Variants in KCNT1 observed in about 807,000 individuals in gnomAD.
The protein encoded by KCNT1 is potassium sodium-activated channel subfamily T member 1.
Under a neutral mutation model 147.8 loss-of-function variants are expected in KCNT1, and 78 were observed. The observed-to-expected ratio is 0.53, with a 90% CI of 0.44 to 0.64. KCNT1 has a LOEUF of 0.64. KCNT1 is among the 30% of genes least tolerant of loss of function. The probability of loss-of-function intolerance (pLI) is 0.00; values close to 1 mark genes in which losing one functional copy is unlikely to be tolerated. For synonymous variants in KCNT1, 867 were observed against 748.8 expected (o/e 1.16, Z -2.58); for missense variants, 1,419 against 1,750.3 (o/e 0.81, Z 3.38).
intron 2 of KCNT1, among the ~76,000 whole-genome samples, chr9:135,735,532 A>C (rs568698792): frequency 2.6e-5 from 4 of 151,636 alleles, no homozygotes; most frequent in Admixed American, 2.0e-4. Flanking sequence ...CGTCCAGCCA[A>C]GGGTGGGGGG....
At chr9:135,729,134 C>T (rs541432047) in intron 2 of KCNT1, among the ~76,000 whole-genome samples, 5 of 152,298 alleles carry the variant, frequency 3.3e-5, no homozygotes, top group South Asian at 2.1e-4. Flanking sequence ...TAATTAAGTT[C>T]GCTGAGCAGT....
intron 29 of KCNT1, chr9:135,788,237 C>T (rs1386419886): frequency 7.9e-6 from 10 of 1,260,034 alleles, no homozygotes; most frequent in South Asian, 2.4e-5. Flanking sequence ...AGCCTTGCTG[C>T]GCCATCCCGG....
intron 28 of KCNT1, 144 bp from the exon 29 acceptor site, chr9:135,786,053 G>T: frequency 1.5e-6 from 1 of 683,344 alleles, no homozygotes. Flanking sequence ...GTCTGTCGTC[G>T]TCCTCTTCCC....
rs140628824 is a variant in KCNT1 at position 135,792,059 on chromosome 9, C to G, written c.3606C>G (p.Asp1202Glu). ...PSDIVYLIRS[D>E]PLAHVASSSQ... ...CCCGCAGCTATCTCATCCGCTCCGACCCCCTGGCTCACGTGGCCAGCAGCT... is the reference window on the plus strand; with the variant it reads ...CCCGCAGCTATCTCATCCGCTCCGAGCCCCTGGCTCACGTGGCCAGCAGCT... Residue 1202 changes from aspartate to glutamate, a missense_variant, in exon 31 of 31, where the codon GAC becomes GAG. Coordinates refer to ENST00000371757, the MANE Select transcript of KCNT1 (RefSeq NM_020822.3). 6.2e-7 allele frequency: 1 copy of G among 1,604,306 alleles called. No individual in the cohort carries two copies. Among genetic ancestry groups the G allele is most frequent in the South Asian group, 1.1e-5 (1 of 91,034 alleles).
At chr9:135,734,827 T>C (rs1830269919) in intron 2 of KCNT1, among the ~76,000 whole-genome samples, 1 of 151,626 alleles carries the variant, frequency 6.6e-6, no homozygotes, top group African/African-American at 2.4e-5. Context: ...CCTCCCAGCT[T>C]CCTCCCCGCC....
chr9:135,765,041 T>C lies in KCNT1; in HGVS notation c.1046T>C (p.Leu349Pro). The C allele has an allele frequency of 6.2e-7, 1 of 1,606,716 alleles. No homozygotes were observed. Among genetic ancestry groups the C allele is most frequent in the African/African-American group, 1.3e-5 (1 of 74,894 alleles). Residue 349 changes from leucine (L) to proline (P), a missense_variant, in exon 12 of 31, where the codon CTC becomes CCC. This residue lies in a region of KCNT1 where 401 missense variants were observed against 610.6 expected (regional missense o/e 0.66). Transcript: ENST00000371757. Reference protein sequence around the residue: ...LVVLPLQFEELVYLWMERQKS... With the variant: ...LVVLPLQFEEPVYLWMERQKS... The stretch of plus-strand genomic sequence containing the variant: ...GTTTCTCACCTGCAGTTCGAGGAGC[T>C]CGTCTACCTCTGGATGGAGCGGCAG...
intron 1 of KCNT1, among the ~76,000 whole-genome samples, chr9:135,706,240 C>T (rs992354741): frequency 8.5e-5 from 13 of 152,334 alleles, no homozygotes; most frequent in East Asian, 1.9e-4. Context: ...GTGTTGGCGT[C>T]GGGAGCTTGC....
Position 135,772,731 on chromosome 9 carries a change from C to T in KCNT1, c.2025C>T (p.Asp675=), listed in dbSNP as rs1265606932. 2 of 1,415,970 alleles carry T rather than the reference C, an allele frequency of 1.4e-6. No homozygotes were observed. The highest frequency in any genetic ancestry group is 5.6e-5 in the East Asian group (2 of 35,616). 87.7% of individuals were successfully genotyped at this position (1,415,970 alleles called of 1,614,324 possible). ...IIASMGTVAM[D]LQGTEHRPTQ... ...CTCTTCCAGGGACAGTGGCCATGGACCTGCAGGGCACAGAGCACCGGCCTA... is the reference window on the plus strand; with the variant it reads ...CTCTTCCAGGGACAGTGGCCATGGATCTGCAGGGCACAGAGCACCGGCCTA... Residue 675 remains aspartate, a synonymous_variant, in exon 19 of 31, where the codon GAC becomes GAT. Transcript: ENST00000371757.
chr9:135,775,339 C>G lies in KCNT1; in HGVS notation c.2273C>G (p.Pro758Arg), dbSNP rs1352728827. ...GTGAAGGGCTACCCTCCCAACTCGCCCTACATCGGCAGCTCCCCAACCCTG... is the reference window on the plus strand; with the variant it reads ...GTGAAGGGCTACCCTCCCAACTCGCGCTACATCGGCAGCTCCCCAACCCTG... ...EYVKGYPPNS[P>R]YIGSSPTLCH... Residue 758 changes from proline (P) to arginine (R), a missense_variant, in exon 20 of 31, where the codon CCC becomes CGC. Transcript: ENST00000371757. 1 of 1,609,652 alleles carries G rather than the reference C, an allele frequency of 6.2e-7. No individual in the cohort carries two copies.
chr9:135,711,713 A>G (rs1284925151), intron 1 of KCNT1, among the ~76,000 whole-genome samples: 1 of 152,210 alleles, frequency 6.6e-6, no homozygotes, highest in Non-Finnish European at 1.5e-5. Context: ...TGGCCTCTCC[A>G]GATGGATTCC....
intron 2 of KCNT1, among the ~76,000 whole-genome samples, chr9:135,738,269 C>T (rs1830420749): frequency 6.6e-6 from 1 of 152,226 alleles, no homozygotes; most frequent in African/African-American, 2.4e-5. Flanking sequence ...CCGGCAGCCC[C>T]TGAGGTGCAG....
chr9:135,709,862 G>T (rs1835418622), intron 1 of KCNT1, among the ~76,000 whole-genome samples: 1 of 152,150 alleles, frequency 6.6e-6, no homozygotes, highest in African/African-American at 2.4e-5. Context: ...TGTATTTTTA[G>T]TAGAGATGGG....
At chr9:135,751,283 G>C (rs898544845) in intron 4 of KCNT1, among the ~76,000 whole-genome samples, 7 of 151,930 alleles carry the variant, frequency 4.6e-5, no homozygotes, top group Admixed American at 3.3e-4. Context: ...TGTGCCCTTA[G>C]CTACTAGCGG....
rs151006970 is a variant in KCNT1 at position 135,770,949 on chromosome 9, C to A, written c.1862C>A (p.Thr621Asn). Residue 621 changes from threonine (T) to asparagine (N), a missense_variant, in exon 18 of 31, where the codon ACC becomes AAC. Physicochemically the swap from Thr to Asn is moderately conservative, Grantham distance 65 (BLOSUM62 0). Transcript: ENST00000371757. Reference protein sequence around the residue: ...GPRHILAASDTCFYINITKEE... With the variant: ...GPRHILAASDNCFYINITKEE... ...CGGCACATCCTGGCCGCCTCTGACA[C>A]CTGCTTCTACATCAACATCACCAAG... 1.9e-6 allele frequency: 3 copies of A among 1,613,638 alleles called. No homozygotes were observed. Among genetic ancestry groups the A allele is most frequent in the Non-Finnish European group, 2.5e-6 (3 of 1,179,854 alleles).
At chr9:135,745,114 G>A (rs925406911) in intron 2 of KCNT1, among the ~76,000 whole-genome samples, 2 of 152,230 alleles carry the variant, frequency 1.3e-5, no homozygotes, top group African/African-American at 4.8e-5. Context: ...GACGGATGCC[G>A]CCATGAGCGC....
chr9:135,706,497 C>T (rs776401679), intron 1 of KCNT1, among the ~76,000 whole-genome samples: 5 of 152,208 alleles, frequency 3.3e-5, no homozygotes, highest in Non-Finnish European at 7.3e-5. Context: ...CACCGTCGCC[C>T]TGGGGCACCT....
intron 2 of KCNT1, among the ~76,000 whole-genome samples, chr9:135,718,761 G>A (rs1020647586): frequency 6.6e-6 from 1 of 152,240 alleles, no homozygotes; most frequent in East Asian, 1.9e-4. Flanking sequence ...GCGAGCAGGT[G>A]GGCGGGCAGG....
intron 2 of KCNT1, among the ~76,000 whole-genome samples, chr9:135,732,604 G>A (rs1462578532): frequency 6.6e-6 from 1 of 152,108 alleles, no homozygotes; most frequent in African/African-American, 2.4e-5. Flanking sequence ...GAGATGAACA[G>A]GCTCATCTCA....
At chr9:135,753,156 G>A (rs1324563815) in intron 4 of KCNT1, among the ~76,000 whole-genome samples, 1 of 152,170 alleles carries the variant, frequency 6.6e-6, no homozygotes, top group Non-Finnish European at 1.5e-5. Flanking sequence ...TGAGTGAGTG[G>A]AAAGATGGAT....
Sources: allele counts gnomAD v4.1 joint callset (sites outside exome capture counted in the v4.1 genomes callset), GRCh38; gene constraint gnomAD v4.1.1; regional missense constraint gnomAD v4.1.1; transcripts MANE v1.5; gene names NCBI Gene and HGNC (gene_info 2026-07-23, HGNC 2026-07-21).